Variants in ANKRD30B observed in about 807,000 individuals in gnomAD.
The protein encoded by ANKRD30B is ankyrin repeat domain 30B, also known as ankyrin repeat domain-containing protein 30B.
A neutral mutation model predicts 202.2 loss-of-function variants in ANKRD30B; 144 were observed. That is an observed-to-expected ratio of 0.71 (90% CI 0.62 to 0.82). The LOEUF (loss-of-function observed/expected upper bound fraction) is 0.82, where lower values mean the gene tolerates loss of function less well. Among genes scored for constraint, ANKRD30B ranks in the 40% least tolerant of loss-of-function variants. The pLI is 0.00. For synonymous variants in ANKRD30B, 508 were observed against 561.3 expected, an observed-to-expected ratio of 0.91 and a Z score of 1.34; for missense variants, 1,487 against 1,669.1, an observed-to-expected ratio of 0.89 and a Z score of 1.90.
chr18:14,795,903 C>A (rs941978938), intron 16 of ANKRD30B, among the ~76,000 whole-genome samples: 2 of 149,424 alleles, frequency 1.3e-5, no homozygotes, highest in Admixed American at 1.3e-4. Flanking sequence ...TTAGTAAATT[C>A]AACTTCTTTC....
Position 14,808,548 on chromosome 18 carries a change from T to A in ANKRD30B, c.2285-3T>A. 1.3e-6 allele frequency: 2 copies of A among 1,489,382 alleles called. No homozygotes were observed. The highest frequency in any genetic ancestry group is 2.3e-5 in the South Asian group (2 of 86,778). The allele number at this position is 1,489,382 out of a possible 1,614,324, so 92.3% of individuals were successfully genotyped here. A position where few individuals can be genotyped will look rare whatever the true frequency, so the allele number is the denominator to read the frequency against. ...TCAATTATATATGTCCCTTTTCTTT[T>A]AGAGTCTCCTGATAAAGATGGTCTT... On this transcript the variant is annotated splice_region_variant and splice_polypyrimidine_tract_variant and intron_variant, in intron 24 of 43. Transcript: ENST00000690538.
intron 14 of ANKRD30B, among the ~76,000 whole-genome samples, chr18:14,785,607 C>T (rs1334228489): frequency 6.6e-6 from 1 of 152,198 alleles, no homozygotes; most frequent in Non-Finnish European, 1.5e-5. Context: ...CTGTGCCCCA[C>T]AGCTTCTTAG....
At position 14,807,342 on chromosome 18, in the gene ANKRD30B, G is replaced by A. The variant is rs562058154; in HGVS notation, c.2285-1209G>A. ...TTTCTATAAAAGCTTTTTCATAACAGTGGTTTAACAACTCGCATGGTATAA... is the reference window on the plus strand; with the variant it reads ...TTTCTATAAAAGCTTTTTCATAACAATGGTTTAACAACTCGCATGGTATAA... On this transcript the variant is annotated intron_variant, in intron 24 of 43. Coordinates refer to ENST00000690538, the MANE Select transcript of ANKRD30B (RefSeq NM_001367607.2). Among the ~76,000 whole-genome samples, 125 of 150,902 alleles carry A rather than the reference G, an allele frequency of 8.3e-4. 7 individuals carry two copies. Among genetic ancestry groups the A allele is most frequent in the African/African-American group, 2.9e-3 (119 of 40,874 alleles).
intron 32 of ANKRD30B, among the ~76,000 whole-genome samples, chr18:14,824,903 C>G (rs1970599284): frequency 6.6e-6 from 1 of 152,156 alleles, no homozygotes; most frequent in South Asian, 2.1e-4. Context: ...TCCTATAAAA[C>G]TTTGTCTAAA....
chr18:14,870,084 C>A, the ANKRD30B span, among the ~76,000 whole-genome samples: 2 of 152,216 alleles, frequency 1.3e-5, no homozygotes, highest in Non-Finnish European at 2.9e-5. Flanking sequence ...GATCCACCTG[C>A]CTCGGCCTCC....
chr18:14,784,823 G>A (rs1267086662), intron 14 of ANKRD30B, among the ~76,000 whole-genome samples: 1 of 100,860 alleles, frequency 9.9e-6, no homozygotes, highest in Admixed American at 1.2e-4. Flanking sequence ...ATTCAAGAAG[G>A]TGAATTTTGA....
intron 3 of ANKRD30B, among the ~76,000 whole-genome samples, chr18:14,753,673 G>C (rs922533037): frequency 1.3e-5 from 2 of 152,028 alleles, no homozygotes; most frequent in African/African-American, 4.8e-5. Flanking sequence ...GAATTTCGAA[G>C]ACTTTTTAAA....
intron 36 of ANKRD30B, among the ~76,000 whole-genome samples, chr18:14,838,336 GTCTTACTCA>G (rs1971268678): frequency 6.6e-6 from 1 of 152,172 alleles, no homozygotes; most frequent in Admixed American, 6.5e-5. Context: ...TGTAGTCTTA[GTCTTACTCA>G]ACTTGGAACT....
Position 14,748,626 on chromosome 18 carries a change from A to C in ANKRD30B, c.207A>C (p.Arg69Ser), listed in dbSNP as rs1164899155. ...VGKKPVNLNK[R>S]DMKKRTALHW... The stretch of plus-strand genomic sequence containing the variant: ...AGAAGCCCGTCAACCTGAACAAAAG[A>C]GATATGAAGAAGAGGTACCAGGCCC... Residue 69 changes from arginine to serine, a missense_variant, in exon 1 of 44, where the codon AGA becomes AGC. Transcript: ENST00000690538. 6.4e-7 allele frequency: 1 copy of C among 1,563,374 alleles called. No individual in the cohort carries two copies. Among genetic ancestry groups the C allele is most frequent in the South Asian group, 1.2e-5 (1 of 84,614 alleles).
chr18:14,821,707 T>C (rs748707660), intron 30 of ANKRD30B, among the ~76,000 whole-genome samples: 12 of 152,162 alleles, frequency 7.9e-5, no homozygotes, highest in Non-Finnish European at 1.8e-4. Flanking sequence ...ATCCGCCCTC[T>C]TCAGGCTTCC....
At chr18:14,909,501 G>A in the ANKRD30B span, among the ~76,000 whole-genome samples, 32 of 152,166 alleles carry the variant, frequency 2.1e-4, no homozygotes, top group African/African-American at 6.3e-4. Context: ...TCCGCCTCCC[G>A]GATTCAAGTG....
intron 34 of ANKRD30B, among the ~76,000 whole-genome samples, chr18:14,833,872 A>G (rs532391287): frequency 6.6e-6 from 1 of 152,152 alleles, no homozygotes; most frequent in Non-Finnish European, 1.5e-5. Context: ...TTAAAAAATG[A>G]TTTACCCCAG....
the ANKRD30B span, among the ~76,000 whole-genome samples, chr18:14,869,281 T>A: frequency 6.6e-6 from 1 of 151,604 alleles, no homozygotes; most frequent in Non-Finnish European, 1.5e-5. Context: ...AGTTCTGGAG[T>A]CCTTAGACGG....
intron 20 of ANKRD30B, among the ~76,000 whole-genome samples, 174 bp downstream of exon 20, chr18:14,798,028 G>T (rs1304194383): frequency 6.6e-6 from 1 of 152,102 alleles, no homozygotes; most frequent in Non-Finnish European, 1.5e-5. Flanking sequence ...AGAAGCATAA[G>T]ATTTAGAGAT....
the ANKRD30B span, among the ~76,000 whole-genome samples, chr18:14,934,948 A>ACACAC: frequency 6.3e-5 from 8 of 126,496 alleles, no homozygotes; most frequent in African/African-American, 2.0e-4. Flanking sequence ...ACACACACAC[A>ACACAC]CCCCATCGTG....
chr18:14,854,832 A>AACACACAC (rs56259305), downstream of ANKRD30B, among the ~76,000 whole-genome samples: 351 of 134,172 alleles, frequency 2.6e-3, 1 homozygote, highest in African/African-American at 5.7e-3. Flanking sequence ...ACTATCCACG[A>AACACACAC]ACACACACAC....
the ANKRD30B span, among the ~76,000 whole-genome samples, chr18:14,925,367 C>A: frequency 1.3e-5 from 2 of 152,288 alleles, no homozygotes; most frequent in South Asian, 4.1e-4. Context: ...GGGTTCTTTC[C>A]TCTTGGGCTT....
At chr18:14,941,038 C>G in the ANKRD30B span, among the ~76,000 whole-genome samples, 1 of 152,132 alleles carries the variant, frequency 6.6e-6, no homozygotes. Context: ...GATTCCATCC[C>G]CAGGATAACA....
chr18:14,823,997 AC>A (rs1364339489), intron 32 of ANKRD30B, among the ~76,000 whole-genome samples: 2 of 151,882 alleles, frequency 1.3e-5, no homozygotes, highest in Non-Finnish European at 2.9e-5. Context: ...AACAAACAAA[AC>A]CCCAGAAATT....
Sources: gnomAD v4.1 joint callset for allele counts (sites outside exome capture counted in the v4.1 genomes callset) on GRCh38, gnomAD v4.1.1 for gene constraint, MANE v1.5 for transcripts, NCBI Gene and HGNC (gene_info 2026-07-23, HGNC 2026-07-21) for gene names.